The following KRT3 variants were observed in gnomAD, a reference collection of about 807,000 sequenced individuals.
KRT3 encodes the protein keratin, type II cytoskeletal 3.
Under a neutral mutation model 45.8 loss-of-function variants are expected in KRT3, and 34 were observed. The ratio of observed to expected loss-of-function variants is 0.74; its 90% CI spans 0.57 to 0.99. KRT3 has a LOEUF of 0.99. KRT3 is among the 50% of genes least tolerant of loss of function. The probability of loss-of-function intolerance (pLI) is 0.00; values close to 1 mark genes in which losing one functional copy is unlikely to be tolerated. For missense variants in KRT3, 828 were observed against 820.6 expected (o/e 1.01, Z -0.11); for synonymous variants, 367 against 329.0 (o/e 1.12, Z -1.25).
intron 5 of KRT3, 21 bp from the exon 6 acceptor site, chr12:52,791,837 T>G (rs775766059): frequency 6.2e-7 from 1 of 1,609,874 alleles, no homozygotes; most frequent in East Asian, 2.2e-5. Context: ...GAAGGGAAGA[T>G]GGGGTATTCC....
At chr12:52,792,482 C>G in intron 4 of KRT3, 79 bp from the exon 5 acceptor site, 2 of 1,378,448 alleles carry the variant, frequency 1.5e-6, no homozygotes, top group Non-Finnish European at 2.0e-6. Flanking sequence ...TCTTGATCAA[C>G]AGTCTCATTC....
At position 52,792,763 on chromosome 12, in the gene KRT3, T is replaced by G; in HGVS notation, c.971A>C (p.Lys324Thr). 6.2e-7 allele frequency: 1 copy of G among 1,613,914 alleles called. No individual in the cohort carries two copies. Among genetic ancestry groups the G allele is most frequent in the Non-Finnish European group, 8.5e-7 (1 of 1,179,826 alleles). The stretch of plus-strand genomic sequence containing the variant: ...GATCTCATCTATCAAGGCATCCACT[T>G]TGGCCTGAAGCTCCACCTTGTTCAT... Reference protein sequence around the residue: ...AYMNKVELQAKVDALIDEIDF... With the variant: ...AYMNKVELQATVDALIDEIDF... The change falls in exon 4 of 9, where the codon AAA (lysine) becomes ACA (threonine). Residue 324 changes from lysine to threonine, a missense_variant. By Grantham distance (78) the Lys-to-Thr change is moderately conservative. Transcript: ENST00000417996.
rs182554932 is a variant in KRT3, at chr12:52,793,205, A to G, written c.885T>C (p.Asn295=). The G allele has an allele frequency of 6.3e-4, 1,007 of 1,608,442 alleles. 8 individuals carry two copies. The highest frequency in any genetic ancestry group is 7.7e-5 in the Non-Finnish European group (91 of 1,177,116). ...ATTCATTCTCAGCAGCTGTACGTTT[A>G]TTGATTTCATCCTCATATCTGTGTG... is the stretch of plus-strand genomic sequence containing the variant. ...DFKKKYEDEI[N]KRTAAENEFV... Residue 295 remains asparagine (N), a synonymous_variant, in exon 3 of 9, where the codon AAT becomes AAC. Coordinates refer to ENST00000417996, the MANE Select transcript of KRT3 (RefSeq NM_057088.3).
At position 52,792,380 on chromosome 12, in the gene KRT3, G is replaced by A; in HGVS notation, c.1047C>T (p.His349=). The A allele has an allele frequency of 6.2e-7, 1 of 1,614,134 alleles. No individual in the cohort carries two copies. The highest frequency in any genetic ancestry group is 1.3e-5 in the African/African-American group (1 of 75,066). The change falls in exon 5 of 9, where the codon CAC becomes CAT. Residue 349 remains histidine (H), a synonymous_variant. Transcript: ENST00000417996. ...ACAGCACCACAGATGTGTCACTGAT[G>A]TGGCTCTGCATCTGAGATAGCTCCT... is the stretch of plus-strand genomic sequence containing the variant. ...YDAELSQMQS[H]ISDTSVVLSM...
rs202180550 is a variant in KRT3, at chr12:52,795,928, C to T, written c.115G>A (p.Gly39Ser). Residue 39 changes from glycine to serine, a missense_variant, in exon 1 of 9, where the codon GGC becomes AGC. By Grantham distance (56) the Gly-to-Ser change is moderately conservative. Transcript: ENST00000417996. The part of the protein sequence containing the change: ...MSCVAHSGGA[G>S]GGAYGFRSGA... ...CTCCGGAAGCCATAGGCCCCTCCGCCAGCTCCCCCAGAGTGGGCCACACAG... is the reference window on the plus strand; with the variant it reads ...CTCCGGAAGCCATAGGCCCCTCCGCTAGCTCCCCCAGAGTGGGCCACACAG... 1.9e-6 allele frequency: 3 copies of T among 1,614,142 alleles called. No individual in the cohort carries two copies. Among genetic ancestry groups the T allele is most frequent in the Middle Eastern group, 1.6e-4 (1 of 6,062 alleles).
intron 2 of KRT3, 44 bp downstream of exon 2, chr12:52,794,067 C>T (rs200634320): frequency 1.3e-6 from 2 of 1,487,364 alleles, no homozygotes; most frequent in Admixed American, 3.4e-5. Context: ...GACTCTGAGA[C>T]AGGGTGGGCC....
chr12:52,795,903 C>T lies in KRT3; in HGVS notation c.140G>A (p.Ser47Asn). The T allele has an allele frequency of 6.2e-7, 1 of 1,614,080 alleles. No individual in the cohort carries two copies. Among genetic ancestry groups the T allele is most frequent in the Non-Finnish European group, 8.5e-7 (1 of 1,179,914 alleles). ...GCGACTGCCAAAGCCACCTGCTCCG[C>T]TCCGGAAGCCATAGGCCCCTCCGCC... The part of the protein sequence containing the change: ...GAGGGAYGFR[S>N]GAGGFGSRSL... Residue 47 changes from serine to asparagine, a missense_variant, in exon 1 of 9, where the codon AGC (serine) becomes AAC (asparagine). Physicochemically the swap from Ser to Asn is conservative, Grantham distance 46 (BLOSUM62 1). Coordinates refer to ENST00000417996, the MANE Select transcript of KRT3 (RefSeq NM_057088.3).
At chr12:52,790,490 A>T (rs1939467255) in intron 8 of KRT3, 132 bp from the exon 9 acceptor site, 1 of 871,386 alleles carries the variant, frequency 1.1e-6, no homozygotes, top group African/African-American at 1.7e-5. Context: ...GTTCACCACG[A>T]GCCGTTCCAA....
chr12:52,793,735 G>T (rs1489849007), intron 2 of KRT3, among the ~76,000 whole-genome samples: 1 of 152,098 alleles, frequency 6.6e-6, no homozygotes, highest in African/African-American at 2.4e-5. Flanking sequence ...TGGATTACAG[G>T]TGTGTGCCAC....
At position 52,790,316 on chromosome 12, in the gene KRT3, T is replaced by C. The variant is rs1002969230; in HGVS notation, c.1613A>G (p.Tyr538Cys). The stretch of plus-strand genomic sequence containing the variant: ...CATGCCTCCGCCGTAACCTCCTCCA[T>C]AGCCACCTGCGGAGGCGGAAGTCGT... ...SSTTSASAGG[Y>C]GGGYGGGMGG... Residue 538 changes from tyrosine (Y) to cysteine (C), a missense_variant, in exon 9 of 9, where the codon TAT becomes TGT. Tyr to Cys is a radical substitution (Grantham distance 194). Transcript: ENST00000417996. The C allele has an allele frequency of 2.5e-6, 4 of 1,584,750 alleles. No individual in the cohort carries two copies. Among genetic ancestry groups the C allele is most frequent in the Non-Finnish European group, 3.4e-6 (4 of 1,165,024 alleles).
At position 52,791,296 on chromosome 12, in the gene KRT3, A is replaced by G. The variant is rs760457298; in HGVS notation, c.1445T>C (p.Leu482Pro). 2 of 1,614,232 alleles carry G rather than the reference A, an allele frequency of 1.2e-6. No individual in the cohort carries two copies. The highest frequency in any genetic ancestry group is 4.5e-5 in the East Asian group (2 of 44,890). ...ATTCATCAGCTCCTGGTAGTCACGT[A>G]GCAGCCGCGCCAGGTCATCCTTCGC... ...QQAKDDLARL[L>P]RDYQELMNVK... Residue 482 changes from leucine (L) to proline (P), a missense_variant, in exon 7 of 9, where the codon CTA becomes CCA. Physicochemically the swap from Leu to Pro is moderately conservative, Grantham distance 98. Coordinates refer to ENST00000417996, the MANE Select transcript of KRT3 (RefSeq NM_057088.3).
chr12:52,790,109 G>A lies in KRT3; in HGVS notation c.1820C>T (p.Ala607Val). ...CTTGATGCTGCCGCCCCGGTTGCTG[G>A]CCGAGCTGAAGCCCCCGCCACTGAC... is the stretch of plus-strand genomic sequence containing the variant. ...YGVSGGGFSS[A>V]SNRGGSIKFS... Residue 607 changes from alanine to valine, a missense_variant, in exon 9 of 9, where the codon GCC becomes GTC. Ala to Val is a moderately conservative substitution (Grantham distance 64). Coordinates refer to ENST00000417996, the MANE Select transcript of KRT3 (RefSeq NM_057088.3). The A allele has an allele frequency of 6.5e-7, 1 of 1,543,634 alleles. No individual in the cohort carries two copies. Among genetic ancestry groups the A allele is most frequent in the East Asian group, 2.4e-5 (1 of 40,900 alleles).
chr12:52,790,046 C>G lies in KRT3; in HGVS notation c.1883G>C (p.Arg628Thr), dbSNP rs1939447711. Residue 628 changes from arginine (R) to threonine (T), a missense_variant, in exon 9 of 9, where the codon AGA (arginine) becomes ACA (threonine). By Grantham distance (71) the Arg-to-Thr change is moderately conservative. Coordinates refer to ENST00000417996, the MANE Select transcript of KRT3 (RefSeq NM_057088.3). ...QSSQSSQRYS[R>T] The stretch of plus-strand genomic sequence containing the variant: ...TGCGATGCTGATGCGTGCTCTTTAT[C>G]TGGAGTAGCGCTGGGAGGACTGGGA... 6.5e-7 allele frequency: 1 copy of G among 1,538,802 alleles called. No homozygotes were observed. Among genetic ancestry groups the G allele is most frequent in the Admixed American group, 2.0e-5 (1 of 50,978 alleles).
intron 2 of KRT3, 73 bp downstream of exon 2, chr12:52,794,038 G>T (rs1939584229): frequency 1.7e-6 from 2 of 1,147,120 alleles, no homozygotes; most frequent in Non-Finnish European, 2.6e-6. Flanking sequence ...GCAGTCAGGG[G>T]GCATGTAGAA....
In KRT3 at chr12:52,789,693, A is replaced by C; in HGVS notation, c.*349T>G. On this transcript the variant is annotated 3_prime_UTR_variant, in exon 9 of 9. Transcript: ENST00000417996. ...TACTCAGAGGCCCGGAGTGAAACAC[A>C]GTGCACTTTATTGGCGACAGACCGG... 6 of 424,970 alleles carry C rather than the reference A, an allele frequency of 1.4e-5. No individual in the cohort carries two copies. The highest frequency in any genetic ancestry group is 1.3e-5 in the Non-Finnish European group (3 of 232,646). The allele number at this position is 424,970 out of a possible 1,614,324, so 26.3% of individuals were successfully genotyped here.
At chr12:52,794,395 C>T (rs1939593429) in intron 1 of KRT3, 64 bp from the exon 2 acceptor site, 7 of 1,244,416 alleles carry the variant, frequency 5.6e-6, no homozygotes, top group Non-Finnish European at 7.1e-6. Flanking sequence ...GGGGCCTTCA[C>T]TCAGGTAGGA....
intron 3 of KRT3, 101 bp downstream of exon 3, chr12:52,793,062 C>T: frequency 1.1e-6 from 1 of 907,946 alleles, no homozygotes; most frequent in Non-Finnish European, 1.8e-6. Flanking sequence ...GCTCCAAAGG[C>T]CTGAACTTGG....
At chr12:52,790,726 G>T in intron 8 of KRT3, 112 bp downstream of exon 8, 1 of 1,013,126 alleles carries the variant, frequency 9.9e-7, no homozygotes. Flanking sequence ...TCCTCTCCCA[G>T]AAAACCCCTC....
intron 2 of KRT3, 70 bp from the exon 3 acceptor site, chr12:52,793,293 C>T (rs566170580): frequency 1.9e-6 from 2 of 1,076,110 alleles, no homozygotes; most frequent in Middle Eastern, 4.0e-4. Context: ...TTCCCTGGAA[C>T]TCTGAAAGTT....
Sources: allele counts gnomAD v4.1 joint callset (sites outside exome capture counted in the v4.1 genomes callset), GRCh38; gene constraint gnomAD v4.1.1; transcripts MANE v1.5; gene names NCBI Gene and HGNC (gene_info 2026-07-23, HGNC 2026-07-21).